The following IGSF8 variants were observed in gnomAD, a reference collection of about 807,000 sequenced individuals.
The protein encoded by IGSF8 is immunoglobulin superfamily member 8.
Under a neutral mutation model 55.5 loss-of-function variants are expected in IGSF8, and 46 were observed. The observed-to-expected ratio is 0.83, with a 90% confidence interval of 0.65 to 1.06. The LOEUF (loss-of-function observed/expected upper bound fraction) is 1.06, where lower values mean the gene tolerates loss of function less well. Among genes scored for constraint, IGSF8 ranks in the 50% least tolerant of loss-of-function variants. The pLI is 0.00. For synonymous variants in IGSF8, 314 were observed against 356.1 expected (o/e 0.88, Z 1.33); for missense variants, 731 against 832.3 (o/e 0.88, Z 1.50).
intron 1 of IGSF8, among the ~76,000 whole-genome samples, chr1:160,096,508 T>C (rs1399050441): frequency 6.6e-6 from 1 of 152,104 alleles, no homozygotes; most frequent in African/African-American, 2.4e-5. Flanking sequence ...TAGAGGAAAA[T>C]GCCCAGGAGT....
In IGSF8 at chr1:160,095,099, G is replaced by A; in HGVS notation, c.212C>T (p.Ala71Val). The A allele has an allele frequency of 1.9e-6, 3 of 1,614,124 alleles. No individual in the cohort carries two copies. The highest frequency in any genetic ancestry group is 2.5e-6 in the Non-Finnish European group (3 of 1,180,016). Residue 71 changes from alanine (A) to valine (V), a missense_variant, in exon 2 of 7, where the codon GCC (alanine) becomes GTC (valine). Physicochemically the swap from Ala to Val is moderately conservative, Grantham distance 64 (BLOSUM62 0). Transcript: ENST00000314485. ...NFEWFLYRPE[A>V]PDTALGIVST... ...GACAATGCCCAGTGCAGTATCTGGG[G>A]CCTCGGGCCTATACAGGAACCACTC...
chr1:160,095,421 C>CTCCT, intron 1 of IGSF8, 175 bp from the exon 2 acceptor site: 1 of 677,512 alleles, frequency 1.5e-6, no homozygotes, highest in African/African-American at 1.8e-5. Flanking sequence ...TATAAGACAC[C>CTCCT]TGGATCTCAA....
intron 3 of IGSF8, 66 bp downstream of exon 3, chr1:160,093,644 G>T: frequency 1.5e-6 from 2 of 1,327,664 alleles, no homozygotes; most frequent in Non-Finnish European, 2.1e-6. Context: ...ACCCCCTGTG[G>T]CCACAGTGCC....
chr1:160,092,991 A>G lies in IGSF8; in HGVS notation c.1245T>C (p.Ser415=). The G allele has an allele frequency of 3.7e-6, 6 of 1,613,814 alleles. No individual in the cohort carries two copies. The highest frequency in any genetic ancestry group is 4.2e-6 in the Non-Finnish European group (5 of 1,179,704). Reference sequence around the variant, plus strand: ...TGGCTGCTTCACGAAGCCGGGTCCCAGACCCTCGAACATAGGCTTTGGCGA... The same window carrying G: ...TGGCTGCTTCACGAAGCCGGGTCCCGGACCCTCGAACATAGGCTTTGGCGA... ...RCLAKAYVRG[S]GTRLREAASA... The change falls in exon 4 of 7, where the codon TCT becomes TCC. Residue 415 remains serine, a synonymous_variant. Coordinates refer to ENST00000314485, the MANE Select transcript of IGSF8 (RefSeq NM_052868.6).
rs1181447917 is a variant in IGSF8, at chr1:160,095,082, C to T, written c.229G>A (p.Gly77Ser). ...YRPEAPDTAL[G>S]IVSTKDTQFS... ...TGGGTATCCTTGGTACTGACAATGCCCAGTGCAGTATCTGGGGCCTCGGGC... is the reference window on the plus strand; with the variant it reads ...TGGGTATCCTTGGTACTGACAATGCTCAGTGCAGTATCTGGGGCCTCGGGC... Residue 77 changes from glycine (G) to serine (S), a missense_variant, in exon 2 of 7, where the codon GGC (glycine) becomes AGC (serine). Physicochemically the swap from Gly to Ser is moderately conservative, Grantham distance 56. Coordinates refer to ENST00000314485, the MANE Select transcript of IGSF8 (RefSeq NM_052868.6). 2.5e-6 allele frequency: 4 copies of T among 1,614,136 alleles called. No individual in the cohort carries two copies. In the South Asian group the frequency reaches 3.3e-5, roughly 13 times the overall value.
chr1:160,092,701 G>T lies in IGSF8; in HGVS notation c.1313-6C>A. 1 of 1,599,242 alleles carries T rather than the reference G, an allele frequency of 6.3e-7. No homozygotes were observed. The highest frequency in any genetic ancestry group is 8.5e-7 in the Non-Finnish European group (1 of 1,179,644). The stretch of plus-strand genomic sequence containing the variant: ...CACAGCCTCCAGCACCACACCTGCA[G>T]AACAAAGGACATGGGGTCAGAGGGT... On this transcript the variant is annotated splice_polypyrimidine_tract_variant and splice_region_variant and intron_variant, in intron 4 of 6. Transcript: ENST00000314485.
chr1:160,096,061 AGGCACTAAAT>A (rs1650412212), intron 1 of IGSF8, among the ~76,000 whole-genome samples: 2 of 152,226 alleles, frequency 1.3e-5, no homozygotes, highest in Non-Finnish European at 2.9e-5. Flanking sequence ...TTCTGTAGGG[AGGCACTAAAT>A]CCCCAGCTGC....
At position 160,095,037 on chromosome 1, in the gene IGSF8, T is replaced by C. The variant is rs1650326018; in HGVS notation, c.274A>G (p.Lys92Glu). The C allele has an allele frequency of 6.2e-7, 1 of 1,614,060 alleles. No individual in the cohort carries two copies. Among genetic ancestry groups the C allele is most frequent in the African/African-American group, 1.3e-5 (1 of 74,930 alleles). Residue 92 changes from lysine (K) to glutamate (E), a missense_variant, in exon 2 of 7, where the codon AAG becomes GAG. Physicochemically the swap from Lys to Glu is moderately conservative, Grantham distance 56. Transcript: ENST00000314485. ...ACCTCACCCGCCACCACTCGGGACT[T>C]GAAGACAGCATAGGAGAACTGGGTA... ...KDTQFSYAVF[K>E]SRVVAGEVQV...
chr1:160,092,184 A>T (rs1044251555), intron 5 of IGSF8, 98 bp downstream of exon 5: 22 of 1,281,466 alleles, frequency 1.7e-5, no homozygotes, highest in Non-Finnish European at 2.5e-5. Context: ...TGTGGAGGAG[A>T]GAGATAGTAG....
chr1:160,094,923 G>T lies in IGSF8; in HGVS notation c.388C>A (p.Pro130Thr). ...QDAGIYECHT[P>T]STDTRYLGSY... Reference sequence around the variant, plus strand: ...CCCAGGTAGCGGGTATCAGTGGAGGGGGTGTGGCACTCATAAATGCCGGCA... The same window carrying T: ...CCCAGGTAGCGGGTATCAGTGGAGGTGGTGTGGCACTCATAAATGCCGGCA... Residue 130 changes from proline (P) to threonine (T), a missense_variant, in exon 2 of 7, where the codon CCC (proline) becomes ACC (threonine). Transcript: ENST00000314485. This position sits in a 1 kb window ranked among gnomAD's most constrained non-coding sequence, Gnocchi z 4.0. 1.9e-6 allele frequency: 3 copies of T among 1,614,062 alleles called. No homozygotes were observed. Among genetic ancestry groups the T allele is most frequent in the Non-Finnish European group, 2.5e-6 (3 of 1,180,008 alleles).
At position 160,093,167 on chromosome 1, in the gene IGSF8, G is replaced by A. The variant is rs765892873; in HGVS notation, c.1069C>T (p.Arg357Cys). The A allele has an allele frequency of 6.2e-6, 10 of 1,613,590 alleles. No individual in the cohort carries two copies. Among genetic ancestry groups the A allele is most frequent in the South Asian group, 3.3e-5 (3 of 91,012 alleles). Residue 357 changes from arginine (R) to cysteine (C), a missense_variant, in exon 4 of 7, where the codon CGC (arginine) becomes TGC (cysteine). Physicochemically the swap from Arg to Cys is radical, Grantham distance 180. Transcript: ENST00000314485. ...TCTGTGTCCAGCTGGGCTACCAGGC[G>A]GCCGGGCCCAGGTGCCCCCGCAGGT... ...MAPAGAPGPG[R>C]LVAQLDTEGV...
chr1:160,092,200 G>T, intron 5 of IGSF8, 82 bp downstream of exon 5: 1 of 1,382,398 alleles, frequency 7.2e-7, no homozygotes, highest in Non-Finnish European at 1.0e-6. Flanking sequence ...AGTAGCAGGA[G>T]GGTCAGAAGA....
chr1:160,098,739 C>T, upstream of IGSF8: 1 of 424,172 alleles, frequency 2.4e-6, no homozygotes, highest in Non-Finnish European at 4.2e-6. Flanking sequence ...CGCCCCGCCC[C>T]GGACCCAGCC....
intron 1 of IGSF8, chr1:160,097,565 T>C (rs187631787): frequency 1.1e-4 from 45 of 414,108 alleles, no homozygotes; most frequent in Admixed American, 2.6e-4. Context: ...ACATCTGTAC[T>C]GGCAGTTTCA....
intron 1 of IGSF8, 107 bp from the exon 2 acceptor site, chr1:160,095,353 T>C: frequency 1.7e-6 from 2 of 1,157,368 alleles, no homozygotes; most frequent in Non-Finnish European, 2.4e-6. Context: ...AAAGGAGACC[T>C]GGGAAAGCTT....
rs755200691 is a variant in IGSF8, at chr1:160,095,021, G to A, written c.290C>T (p.Ala97Val). ...TAGGCGCTGCACCTGCACCTCACCC[G>A]CCACCACTCGGGACTTGAAGACAGC... ...SYAVFKSRVVAGEVQVQRLQG... is the reference protein window; with the variant it reads ...SYAVFKSRVVVGEVQVQRLQG... The change falls in exon 2 of 7, where the codon GCG becomes GTG. Residue 97 changes from alanine to valine, a missense_variant. Transcript: ENST00000314485. 2.7e-5 allele frequency: 44 copies of A among 1,613,962 alleles called. No homozygotes were observed. The highest frequency in any genetic ancestry group is 1.3e-4 in the Admixed American group (8 of 59,970).
At chr1:160,099,350 G>A (rs1423032871), upstream of IGSF8, among the ~76,000 whole-genome samples, 1 of 152,202 alleles carries the variant, frequency 6.6e-6, no homozygotes, top group Non-Finnish European at 1.5e-5. Context: ...AGGGGTTGGC[G>A]GAAGCCAGGA....
rs970875446 is a variant in IGSF8 at position 160,098,496 on chromosome 1, G to C, written c.-24C>G. 6.6e-7 allele frequency: 1 copy of C among 1,518,912 alleles called. No homozygotes were observed. The allele number at this position is 1,518,912 out of a possible 1,614,324, so 94.1% of individuals were successfully genotyped here. ...ATCCTGCGCGGCCAGCTCTGGGGAG[G>C]CTCCGGGGGATGGCGCGGGTTCTGG... On this transcript the variant is annotated 5_prime_UTR_variant, in exon 1 of 7. Coordinates refer to ENST00000314485, the MANE Select transcript of IGSF8 (RefSeq NM_052868.6).
chr1:160,094,820 T>C lies in IGSF8; in HGVS notation c.442+49A>G, dbSNP rs1650298664. 6.4e-7 allele frequency: 1 copy of C among 1,562,806 alleles called. No individual in the cohort carries two copies. The highest frequency in any genetic ancestry group is 2.3e-5 in the East Asian group (1 of 44,184). ...AGATAGGTCACTTGTGGCCTTGACT[T>C]TCTGCCTTGAGAGGGTGTGTGGCTC... On this transcript the variant is annotated intron_variant, in intron 2 of 6. Transcript: ENST00000314485. The surrounding 1 kb of genome is among the most constrained non-coding windows in gnomAD (Gnocchi z 4.0).
Sources: gnomAD v4.1 joint callset for allele counts (sites outside exome capture counted in the v4.1 genomes callset) on GRCh38, gnomAD v4.1.1 for gene constraint, Gnocchi (gnomAD v3.1) non-coding constraint, MANE v1.5 for transcripts, NCBI Gene and HGNC (gene_info 2026-07-23, HGNC 2026-07-21) for gene names.